The following ZDBF2 variants were observed in gnomAD, a reference collection of about 807,000 sequenced individuals.
The protein encoded by ZDBF2 is zinc finger DBF-type containing 2.
In ZDBF2, 6 loss-of-function variants were observed where a neutral mutation model predicts 9.4. The ratio of observed to expected loss-of-function variants is 0.64; its 90% confidence interval spans 0.35 to 1.27. The LOEUF (loss-of-function observed/expected upper bound fraction) is 1.27. ZDBF2 is among the 50% of genes most tolerant of loss of function. ZDBF2 has a pLI of 0.03. For missense variants in ZDBF2, 2,697 were observed against 2,766.8 expected (o/e 0.97, Z 0.57); for synonymous variants, 905 against 946.3 (o/e 0.96, Z 0.80).
At position 206,306,924 on chromosome 2, in the gene ZDBF2, A is replaced by G; in HGVS notation, c.2396A>G (p.Tyr799Cys). 1.2e-6 allele frequency: 2 copies of G among 1,613,746 alleles called. No homozygotes were observed. Among genetic ancestry groups the G allele is most frequent in the East Asian group, 2.2e-5 (1 of 44,880 alleles). Residue 799 changes from tyrosine to cysteine, a missense_variant, in exon 5 of 5, where the codon TAT (tyrosine) becomes TGT (cysteine). Tyr to Cys is a radical substitution (Grantham distance 194). Transcript: ENST00000374423. ...ACTTTTGATTCTGATATTCCTCTTTATTCAGTAATTGACCAACCTGAAGTA... is the reference window on the plus strand; with the variant it reads ...ACTTTTGATTCTGATATTCCTCTTTGTTCAGTAATTGACCAACCTGAAGTA... Reference protein sequence around the residue: ...EITFDSDIPLYSVIDQPEVAV... With the variant: ...EITFDSDIPLCSVIDQPEVAV...
At chr2:206,285,311 A>AT (rs1273672227) in intron 3 of ZDBF2, among the ~76,000 whole-genome samples, 7 of 151,970 alleles carry the variant, frequency 4.6e-5, no homozygotes, top group Non-Finnish European at 5.9e-5. Flanking sequence ...CCAGTGTGTT[A>AT]TTTTTTGTCT....
In ZDBF2 at chr2:206,306,095, C is replaced by T; in HGVS notation, c.1567C>T (p.His523Tyr). 6.2e-7 allele frequency: 1 copy of T among 1,613,808 alleles called. No homozygotes were observed. The highest frequency in any genetic ancestry group is 1.1e-5 in the South Asian group (1 of 91,082). ...VTEVNLPKEVHIGLVDKNYGS... is the reference protein window; with the variant it reads ...VTEVNLPKEVYIGLVDKNYGS... ...AGAAGTAAACCTTCCTAAGGAAGTG[C>T]ACATTGGTTTGGTTGATAAGAACTA... Residue 523 changes from histidine to tyrosine, a missense_variant, in exon 5 of 5, where the codon CAC becomes TAC. By Grantham distance (83) the His-to-Tyr change is moderately conservative (BLOSUM62 2). Transcript: ENST00000374423.
At chr2:206,284,719 A>G (rs1691510490) in intron 3 of ZDBF2, among the ~76,000 whole-genome samples, 1 of 152,170 alleles carries the variant, frequency 6.6e-6, no homozygotes, top group Admixed American at 6.5e-5. Flanking sequence ...CTGTGTATAT[A>G]TACCACATTT....
chr2:206,283,785 T>A (rs1691455793), intron 3 of ZDBF2, among the ~76,000 whole-genome samples: 1 of 152,110 alleles, frequency 6.6e-6, no homozygotes, highest in Non-Finnish European at 1.5e-5. Flanking sequence ...TGCCTCAGCC[T>A]CCCAAGTACC....
chr2:206,285,918 A>C (rs2105907619), intron 3 of ZDBF2, among the ~76,000 whole-genome samples: 1 of 152,178 alleles, frequency 6.6e-6, no homozygotes, highest in Admixed American at 6.5e-5. Context: ...CTTTCCCCCA[A>C]CTTATGGTAT....
Position 206,306,720 on chromosome 2 carries a change from T to C in ZDBF2, c.2192T>C (p.Leu731Pro), listed in dbSNP as rs1237369114. Residue 731 changes from leucine (L) to proline (P), a missense_variant, in exon 5 of 5, where the codon CTT becomes CCT. This residue lies in a region of ZDBF2 where 910 missense variants were observed against 973.6 expected (regional missense o/e 0.93). Transcript: ENST00000374423. ...EPQEALDEVNLKELNIDMEVR... is the reference protein window; with the variant it reads ...EPQEALDEVNPKELNIDMEVR... ...CAAGAAGCTTTGGATGAAGTAAATC[T>C]TAAAGAGTTAAATATTGACATGGAA... 1.2e-6 allele frequency: 2 copies of C among 1,613,828 alleles called. No individual in the cohort carries two copies. Among genetic ancestry groups the C allele is most frequent in the Non-Finnish European group, 1.7e-6 (2 of 1,179,800 alleles).
In ZDBF2 at chr2:206,313,144, C is replaced by T. The variant is rs1192398274; in HGVS notation, c.*1551C>T. The stretch of plus-strand genomic sequence containing the variant: ...TATTGAAACTAAGGTCAATGTTGAA[C>T]CATATCTTGATTTCAGAATTTAAAA... On this transcript the variant is annotated 3_prime_UTR_variant, in exon 5 of 5. Transcript: ENST00000374423. The T allele has an allele frequency of 1.3e-5, 2 of 152,082 alleles. No individual in the cohort carries two copies. Among genetic ancestry groups the T allele is most frequent in the Non-Finnish European group, 1.5e-5 (1 of 68,012 alleles). 9.4% of individuals were successfully genotyped at this position (152,082 alleles called of 1,614,324 possible). A position where few individuals can be genotyped will look rare whatever the true frequency, so the allele number is the denominator to read the frequency against.
Position 206,297,765 on chromosome 2 carries a change from C to T in ZDBF2, c.188+392C>T, listed in dbSNP as rs7591689. Among the ~76,000 whole-genome samples the T allele has an allele frequency of 8.0e-3, 1,211 of 152,204 alleles. 17 individuals carry two copies. Among genetic ancestry groups the T allele is most frequent in the African/African-American group, 0.028 (1,158 of 41,530 alleles). On this transcript the variant is annotated intron_variant, in intron 4 of 4. Coordinates refer to ENST00000374423, the MANE Select transcript of ZDBF2 (RefSeq NM_020923.3). ...CACGATCTCAGCTCACCGCAACCTCCACCACCCAGGTTCAAGCGATTCTCC... is the reference window on the plus strand; with the variant it reads ...CACGATCTCAGCTCACCGCAACCTCTACCACCCAGGTTCAAGCGATTCTCC...
rs775520378 is a variant in ZDBF2, at chr2:206,307,817, T to C, written c.3289T>C (p.Trp1097Arg). 2 of 1,610,750 alleles carry C rather than the reference T, an allele frequency of 1.2e-6. No individual in the cohort carries two copies. The highest frequency in any genetic ancestry group is 1.3e-5 in the African/African-American group (1 of 74,708). Reference sequence around the variant, plus strand: ...GGAAGCGGTTAAAAAAATAGACCAATGGAAGGAAGAGGTTATTGGCCTGAA... The same window carrying C: ...GGAAGCGGTTAAAAAAATAGACCAACGGAAGGAAGAGGTTATTGGCCTGAA... Reference protein sequence around the residue: ...LQEAVKKIDQWKEEVIGLKNK... With the variant: ...LQEAVKKIDQRKEEVIGLKNK... The change falls in exon 5 of 5, where the codon TGG becomes CGG. Residue 1097 changes from tryptophan (W) to arginine (R), a missense_variant. Physicochemically the swap from Trp to Arg is moderately radical, Grantham distance 101 (BLOSUM62 -3). This residue lies in a region of ZDBF2 where 1,783 missense variants were observed against 1,776.5 expected (regional missense o/e 1.00). Transcript: ENST00000374423.
rs780313428 is a variant in ZDBF2, at chr2:206,307,208, C to T, written c.2680C>T (p.Leu894=). Residue 894 remains leucine (L), a synonymous_variant, in exon 5 of 5, where the codon CTA becomes TTA. Transcript: ENST00000374423. ...TNSPEVAVKK[L]NPQKEEQVHL... ...TTCTCCCGAAGTAGCTGTTAAAAAG[C>T]TAAATCCTCAAAAAGAAGAGCAGGT... The T allele has an allele frequency of 2.5e-6, 4 of 1,611,794 alleles. No individual in the cohort carries two copies. In the African/African-American group the frequency reaches 5.4e-5, roughly 22 times the overall value.
Position 206,309,782 on chromosome 2 carries a change from T to C in ZDBF2, c.5254T>C (p.Cys1752Arg), listed in dbSNP as rs368913299. 1.9e-6 allele frequency: 3 copies of C among 1,613,950 alleles called. No individual in the cohort carries two copies. The highest frequency in any genetic ancestry group is 1.7e-5 in the Admixed American group (1 of 60,026). The change falls in exon 5 of 5, where the codon TGT becomes CGT. Residue 1752 changes from cysteine to arginine, a missense_variant. By Grantham distance (180) the Cys-to-Arg change is radical. This residue lies in a region of ZDBF2 where 1,783 missense variants were observed against 1,776.5 expected (regional missense o/e 1.00). Transcript: ENST00000374423. ...EPDGFEMNFQ[C>R]APPLPSDTDQ... ...GGATGGTTTTGAGATGAATTTTCAG[T>C]GTGCTCCCCCTCTTCCATCTGATAC...
At chr2:206,275,021 G>A (rs1574366492) in intron 1 of ZDBF2, 75 bp downstream of exon 1, 1 of 150,520 alleles carries the variant, frequency 6.6e-6, no homozygotes, top group Non-Finnish European at 1.5e-5. Context: ...GGCGCCCGGG[G>A]CGCCTTCTTC....
intron 3 of ZDBF2, among the ~76,000 whole-genome samples, chr2:206,285,605 C>T (rs974112721): frequency 1.3e-5 from 2 of 152,166 alleles, no homozygotes; most frequent in African/African-American, 4.8e-5. Flanking sequence ...GTTGAAGTCT[C>T]TCTTCACTCT....
At chr2:206,281,072 G>C (rs1559131501) in intron 2 of ZDBF2, among the ~76,000 whole-genome samples, 1 of 152,112 alleles carries the variant, frequency 6.6e-6, no homozygotes, top group Non-Finnish European at 1.5e-5. Context: ...GCTCACCCTA[G>C]CTCTACTAAA....
chr2:206,299,618 G>A (rs1261490327), intron 4 of ZDBF2, among the ~76,000 whole-genome samples: 1 of 151,702 alleles, frequency 6.6e-6, no homozygotes, highest in Non-Finnish European at 1.5e-5. Context: ...GGGTGACAGA[G>A]CTAGACTCCT....
In ZDBF2 at chr2:206,275,874, G is replaced by T. The variant is rs1574368433; in HGVS notation, c.-103+928G>T. Among the ~76,000 whole-genome samples the T allele has an allele frequency of 2.0e-5, 3 of 152,180 alleles. No homozygotes were observed. In the East Asian group the frequency reaches 5.8e-4, roughly 29 times the overall value. On this transcript the variant is annotated intron_variant, in intron 1 of 4. Coordinates refer to ENST00000374423, the MANE Select transcript of ZDBF2 (RefSeq NM_020923.3). ...TGCTTTTTTCACTTAATACGTGGAA[G>T]ACCTTTTCTCTATCGTTTGAACCTA...
chr2:206,307,562 A>G lies in ZDBF2; in HGVS notation c.3034A>G (p.Thr1012Ala). The G allele has an allele frequency of 6.2e-7, 1 of 1,613,708 alleles. No homozygotes were observed. Among genetic ancestry groups the G allele is most frequent in the Non-Finnish European group, 8.5e-7 (1 of 1,179,714 alleles). The change falls in exon 5 of 5, where the codon ACT (threonine) becomes GCT (alanine). Residue 1012 changes from threonine (T) to alanine (A), a missense_variant. Physicochemically the swap from Thr to Ala is moderately conservative, Grantham distance 58. This residue lies in a region of ZDBF2 where 1,783 missense variants were observed against 1,776.5 expected (regional missense o/e 1.00). Coordinates refer to ENST00000374423, the MANE Select transcript of ZDBF2 (RefSeq NM_020923.3). ...LDSGVPHYSVTEPQVAVNKIN... is the reference protein window; with the variant it reads ...LDSGVPHYSVAEPQVAVNKIN... ...TTCTGGTGTCCCTCATTATTCAGTA[A>G]CTGAACCTCAAGTAGCTGTTAACAA...
At chr2:206,284,138 A>C (rs1300685758) in intron 3 of ZDBF2, among the ~76,000 whole-genome samples, 2 of 151,324 alleles carry the variant, frequency 1.3e-5, no homozygotes, top group African/African-American at 4.9e-5. Flanking sequence ...TATCTGTTTG[A>C]GTTCATTTTT....
Position 206,311,073 on chromosome 2 carries a change from C to A in ZDBF2, c.6545C>A (p.Thr2182Lys). The change falls in exon 5 of 5, where the codon ACA becomes AAA. Residue 2182 changes from threonine (T) to lysine (K), a missense_variant. Coordinates refer to ENST00000374423, the MANE Select transcript of ZDBF2 (RefSeq NM_020923.3). ...SKKKIHGKRV[T>K]TSSNKLGFPK... ...AAGAAAATTCATGGAAAGAGGGTGA[C>A]AACTAGTAGTAATAAGCTAGGTTTT... 1.2e-6 allele frequency: 2 copies of A among 1,612,756 alleles called. No individual in the cohort carries two copies. Among genetic ancestry groups the A allele is most frequent in the East Asian group, 4.5e-5 (2 of 44,872 alleles).
Sources: gnomAD v4.1 joint callset for allele counts (sites outside exome capture counted in the v4.1 genomes callset) on GRCh38, gnomAD v4.1.1 for gene constraint, gnomAD v4.1.1 regional missense constraint, MANE v1.5 for transcripts, NCBI Gene and HGNC (gene_info 2026-07-23, HGNC 2026-07-21) for gene names.